The following FRMD4A variants were observed in gnomAD, a reference collection of about 807,000 sequenced individuals.
The protein encoded by FRMD4A is FERM domain containing 4A.
FRMD4A carries 29 observed loss-of-function variants against 129.1 expected under a neutral mutation model. That is an observed-to-expected ratio of 0.22 (90% CI 0.17 to 0.31). The LOEUF (loss-of-function observed/expected upper bound fraction) is 0.31, where lower values mean the gene tolerates loss of function less well. Among genes scored for constraint, FRMD4A ranks in the 10% least tolerant of loss-of-function variants. FRMD4A has a pLI of 1.00. For synonymous variants in FRMD4A, 634 were observed against 571.6 expected (o/e 1.11, Z -1.56); for missense variants, 1,272 against 1,375.8 (o/e 0.92, Z 1.19).
chr10:14,109,497 C>T (rs942077695), intron 2 of FRMD4A, among the ~76,000 whole-genome samples: 1 of 152,154 alleles, frequency 6.6e-6, no homozygotes, highest in Non-Finnish European at 1.5e-5. Flanking sequence ...AATAGAGTGT[C>T]CCAATTGCTG....
chr10:13,798,799 T>C (rs549818801), intron 4 of FRMD4A, among the ~76,000 whole-genome samples: 1 of 152,332 alleles, frequency 6.6e-6, no homozygotes, highest in East Asian at 1.9e-4. Context: ...ATAAATTCTG[T>C]TCTGACTAGA....
chr10:14,194,566 G>A (rs1366921176), intron 2 of FRMD4A, among the ~76,000 whole-genome samples: 1 of 152,218 alleles, frequency 6.6e-6, no homozygotes, highest in Admixed American at 6.5e-5. Flanking sequence ...AGCCGAGATC[G>A]CACCACTGCA....
chr10:14,141,814 CAT>C (rs34387640), intron 2 of FRMD4A, among the ~76,000 whole-genome samples: 45,022 of 151,976 alleles, frequency 0.3, 7,451 homozygotes, highest in East Asian at 0.51. Context: ...TACGTGTGCA[CAT>C]GTGTGTGTGT....
intron 2 of FRMD4A, chr10:14,008,207 T>TGTGTGTGTGC (rs1425648727): frequency 8.2e-7 from 1 of 1,212,970 alleles, no homozygotes; most frequent in Non-Finnish European, 1.1e-6. Context: ...TGTGTGTGTG[T>TGTGTGTGTGC]GTGTTCCCAG....
chr10:13,701,540 C>T, intron 13 of FRMD4A, 62 bp from the exon 14 acceptor site: 2 of 1,527,786 alleles, frequency 1.3e-6, no homozygotes, highest in Admixed American at 1.7e-5. Flanking sequence ...ATTTCTCAGT[C>T]AACAGCTTCT....
At chr10:13,916,327 G>A (rs915988557) in intron 2 of FRMD4A, among the ~76,000 whole-genome samples, 4 of 152,128 alleles carry the variant, frequency 2.6e-5, no homozygotes, top group Non-Finnish European at 4.4e-5. Flanking sequence ...CTCACACTCC[G>A]AGGATCCTGG....
intron 2 of FRMD4A, among the ~76,000 whole-genome samples, chr10:13,910,556 C>T (rs2094930069): frequency 6.6e-6 from 1 of 152,228 alleles, no homozygotes; most frequent in Non-Finnish European, 1.5e-5. Flanking sequence ...TTAACTGGGA[C>T]ACAGGCTAAC....
At chr10:14,266,738 G>C (rs573763300) in intron 2 of FRMD4A, among the ~76,000 whole-genome samples, 1 of 152,118 alleles carries the variant, frequency 6.6e-6, no homozygotes, top group Non-Finnish European at 1.5e-5. Context: ...TTATCATAAA[G>C]AGACTCCAAG....
At chr10:14,069,254 C>T (rs781316040) in intron 2 of FRMD4A, among the ~76,000 whole-genome samples, 2 of 152,140 alleles carry the variant, frequency 1.3e-5, no homozygotes, top group Non-Finnish European at 2.9e-5. Context: ...TATTGAACTG[C>T]CATACCTCAA....
intron 2 of FRMD4A, among the ~76,000 whole-genome samples, chr10:14,309,275 C>G (rs1846457671): frequency 6.6e-6 from 1 of 152,030 alleles, no homozygotes; most frequent in Non-Finnish European, 1.5e-5. Flanking sequence ...CATAGTGAGA[C>G]CTCATCTCTA....
Position 13,939,348 on chromosome 10 carries a change from C to T in FRMD4A, c.46-80436G>A, listed in dbSNP as rs112865127. Reference sequence around the variant, plus strand: ...ACCAATGCAATTTTCCTCTATTTTTCATAAGGTAAAAGCTGTAATGCATTA... The same window carrying T: ...ACCAATGCAATTTTCCTCTATTTTTTATAAGGTAAAAGCTGTAATGCATTA... On this transcript the variant is annotated intron_variant, in intron 2 of 24. Transcript: ENST00000357447. Among the ~76,000 whole-genome samples the T allele has an allele frequency of 5.1e-3, 781 of 152,166 alleles. 4 individuals are homozygous for T. Among genetic ancestry groups the T allele is most frequent in the Non-Finnish European group, 8.0e-3 (545 of 67,996 alleles).
At chr10:14,018,336 G>C (rs552150570) in intron 2 of FRMD4A, among the ~76,000 whole-genome samples, 74 of 150,764 alleles carry the variant, frequency 4.9e-4, no homozygotes, top group Non-Finnish European at 7.5e-4. Context: ...GGCGTCTGTA[G>C]TCCCAGCTAC....
chr10:14,326,078 T>C (rs934804144), intron 2 of FRMD4A: 5 of 152,176 alleles, frequency 3.3e-5, no homozygotes, highest in Non-Finnish European at 5.9e-5. Context: ...AGAAACAGAG[T>C]CTGAGAGAAT....
At chr10:13,698,708 T>C (rs1473918824) in intron 14 of FRMD4A, among the ~76,000 whole-genome samples, 1 of 152,220 alleles carries the variant, frequency 6.6e-6, no homozygotes, top group Non-Finnish European at 1.5e-5. Flanking sequence ...GGAATTTCCT[T>C]TGCTGCTAAT....
chr10:14,184,125 C>CTT (rs58858936), intron 2 of FRMD4A, among the ~76,000 whole-genome samples: 42 of 64,568 alleles, frequency 6.5e-4, no homozygotes, highest in Non-Finnish European at 8.4e-4. Context: ...CTTTTCTTTT[C>CTT]TTTTTTTTTT....
At chr10:13,846,528 GT>G (rs759995411) in intron 3 of FRMD4A, among the ~76,000 whole-genome samples, 2 of 152,192 alleles carry the variant, frequency 1.3e-5, no homozygotes, top group African/African-American at 2.4e-5. Flanking sequence ...TTTGAGAATC[GT>G]TGGTCTACAA....
intron 2 of FRMD4A, among the ~76,000 whole-genome samples, chr10:13,878,109 A>G (rs2094507100): frequency 6.6e-6 from 1 of 152,172 alleles, no homozygotes; most frequent in South Asian, 2.1e-4. Context: ...GAGCAGTTAC[A>G]GAAATAAAGA....
chr10:14,296,411 G>C (rs1846010093), intron 2 of FRMD4A, among the ~76,000 whole-genome samples: 1 of 152,082 alleles, frequency 6.6e-6, no homozygotes, highest in African/African-American at 2.4e-5. Flanking sequence ...CAGCCCTCCT[G>C]CCCTTGCCTC....
chr10:13,644,572 T>A lies in FRMD4A; in HGVS notation c.*2466A>T, dbSNP rs2081001492. 1 of 152,218 alleles carries A rather than the reference T, an allele frequency of 6.6e-6. No homozygotes were observed. Among genetic ancestry groups the A allele is most frequent in the Admixed American group, 6.5e-5 (1 of 15,288 alleles). The allele number at this position is 152,218 out of a possible 1,614,324, so 9.4% of individuals were successfully genotyped here. ...AACCCAAATCTTTAGAATTTTTGCC[T>A]CTCATTCCTTGCAACTCCAGTGGGC... On this transcript the variant is annotated 3_prime_UTR_variant, in exon 25 of 25. Transcript: ENST00000357447.
Sources: allele counts gnomAD v4.1 joint callset (sites outside exome capture counted in the v4.1 genomes callset), GRCh38; gene constraint gnomAD v4.1.1; transcripts MANE v1.5; gene names NCBI Gene and HGNC (gene_info 2026-07-23, HGNC 2026-07-21).